The following KCNU1 variants were observed in gnomAD, a reference collection of about 807,000 sequenced individuals.
The protein encoded by KCNU1 is potassium calcium-activated channel subfamily U member 1.
A neutral mutation model predicts 126.8 loss-of-function variants in KCNU1; 93 were observed. The observed-to-expected ratio is 0.73, with a 90% confidence interval of 0.62 to 0.87. The LOEUF (loss-of-function observed/expected upper bound fraction) is 0.87. KCNU1 is among the 40% of genes least tolerant of loss of function. The pLI, the probability that KCNU1 is intolerant of heterozygous loss-of-function variation, is 0.00. For missense variants in KCNU1, 1,330 were observed against 1,367.1 expected, an observed-to-expected ratio of 0.97 and a Z score of 0.43; for synonymous variants, 523 against 494.2, an observed-to-expected ratio of 1.06 and a Z score of -0.77.
Position 36,905,822 on chromosome 8 carries a change from A to T in KCNU1, c.2106+18A>T, listed in dbSNP as rs774736215. 7.4e-6 allele frequency: 9 copies of T among 1,213,598 alleles called. No homozygotes were observed. Among genetic ancestry groups the T allele is most frequent in the East Asian group, 7.4e-5 (3 of 40,662 alleles). The allele number at this position is 1,213,598 out of a possible 1,614,324, so 75.2% of individuals were successfully genotyped here. On this transcript the variant is annotated intron_variant, in intron 20 of 26. Coordinates refer to ENST00000399881, the MANE Select transcript of KCNU1 (RefSeq NM_001031836.3). The stretch of plus-strand genomic sequence containing the variant: ...TGACTCTGGTAGGTGATCTTGCATC[A>T]TCAAATCTCAAATAAGATAAAGCAT...
chr8:36,804,601 C>A (rs999831457), intron 3 of KCNU1, among the ~76,000 whole-genome samples: 1 of 152,136 alleles, frequency 6.6e-6, no homozygotes, highest in East Asian at 1.9e-4. Flanking sequence ...AGGGTTAGGG[C>A]AGCTATTTTG....
Position 36,877,555 on chromosome 8 carries a change from G to A in KCNU1, c.2009+13034G>A, listed in dbSNP as rs140769456. 4.8e-3 allele frequency among the ~76,000 whole-genome samples: 723 copies of A among 151,942 alleles called. 8 individuals carry two copies. Among genetic ancestry groups the A allele is most frequent in the African/African-American group, 0.016 (666 of 41,456 alleles). ...TGATCTCAGGTGATCCTCCTGCCTC[G>A]GCCTCCCAAAGTGCTGGGATTACAG... On this transcript the variant is annotated intron_variant, in intron 19 of 26. Coordinates refer to ENST00000399881, the MANE Select transcript of KCNU1 (RefSeq NM_001031836.3).
intron 24 of KCNU1, chr8:36,929,052 T>G (rs1333291856): frequency 1.4e-6 from 1 of 697,342 alleles, no homozygotes. Context: ...AGGTAAGTAT[T>G]GCCATGTCAA....
chr8:36,799,540 ATT>A (rs953689276), intron 2 of KCNU1, among the ~76,000 whole-genome samples: 1 of 141,880 alleles, frequency 7.0e-6, no homozygotes, highest in Non-Finnish European at 1.5e-5. Flanking sequence ...CCTCCCTGCC[ATT>A]TTTTTTTTTG....
At chr8:36,812,247 G>A (rs1271443900) in intron 7 of KCNU1, among the ~76,000 whole-genome samples, 1 of 151,800 alleles carries the variant, frequency 6.6e-6, no homozygotes, top group Non-Finnish European at 1.5e-5. Context: ...AGGTGTGGTG[G>A]CAGGCACCTG....
intron 2 of KCNU1, among the ~76,000 whole-genome samples, chr8:36,803,636 C>T (rs1563264278): frequency 6.6e-6 from 1 of 152,124 alleles, no homozygotes; most frequent in African/African-American, 2.4e-5. Context: ...TCTTTTCTAG[C>T]ATGTGATAAA....
chr8:36,889,466 T>A (rs1198793505), intron 19 of KCNU1, among the ~76,000 whole-genome samples: 2 of 152,016 alleles, frequency 1.3e-5, no homozygotes, highest in African/African-American at 4.8e-5. Context: ...AGGCATCACT[T>A]TTAAGGAAAA....
chr8:36,915,872 G>T (rs1808080489), intron 22 of KCNU1, among the ~76,000 whole-genome samples: 1 of 151,884 alleles, frequency 6.6e-6, no homozygotes, highest in Non-Finnish European at 1.5e-5. Context: ...ATGTAACTGG[G>T]GCGAGGACTG....
intron 7 of KCNU1, among the ~76,000 whole-genome samples, chr8:36,809,017 A>G (rs541751501): frequency 6.6e-6 from 1 of 152,194 alleles, no homozygotes; most frequent in South Asian, 2.1e-4. Flanking sequence ...TTCAAAACCT[A>G]CTCTTAAGGA....
intron 18 of KCNU1, among the ~76,000 whole-genome samples, chr8:36,849,174 T>A (rs1805254720): frequency 6.6e-6 from 1 of 152,072 alleles, no homozygotes; most frequent in Admixed American, 6.5e-5. Flanking sequence ...CACTGTAGAT[T>A]TACCTATACT....
rs946987587 is a variant in KCNU1 at position 36,868,984 on chromosome 8, C to T, written c.2009+4463C>T. Reference sequence around the variant, plus strand: ...TGGCCATTCCACTTTGGGTGAGTTACGACAGTTTTGCCCATTCTACCTATT... The same window carrying T: ...TGGCCATTCCACTTTGGGTGAGTTATGACAGTTTTGCCCATTCTACCTATT... On this transcript the variant is annotated intron_variant, in intron 19 of 26. Transcript: ENST00000399881. Among the ~76,000 whole-genome samples, 8 of 152,008 alleles carry T rather than the reference C, an allele frequency of 5.3e-5. No homozygotes were observed. The East Asian group carries it at 5.8e-4, about 11-fold the overall frequency.
rs1052630219 is a variant in KCNU1, at chr8:36,858,463, T to C, written c.1892-5941T>C. ...GCCCATATAAAAGAACAAGATAATA[T>C]ACTAAAAAGTATAATCTCACTATAC... On this transcript the variant is annotated intron_variant, in intron 18 of 26. Coordinates refer to ENST00000399881, the MANE Select transcript of KCNU1 (RefSeq NM_001031836.3). Among the ~76,000 whole-genome samples, 14 of 152,112 alleles carry C rather than the reference T, an allele frequency of 9.2e-5. 1 individual carries two copies. The highest frequency in any genetic ancestry group is 1.5e-4 in the Non-Finnish European group (10 of 68,020).
chr8:36,859,728 A>T (rs1189755874), intron 18 of KCNU1, among the ~76,000 whole-genome samples: 1 of 152,238 alleles, frequency 6.6e-6, no homozygotes, highest in Non-Finnish European at 1.5e-5. Flanking sequence ...GCTGGTTAAG[A>T]ACATGAATTC....
intron 18 of KCNU1, among the ~76,000 whole-genome samples, chr8:36,849,558 C>G (rs1805270937): frequency 6.6e-6 from 1 of 152,148 alleles, no homozygotes; most frequent in Admixed American, 6.5e-5. Flanking sequence ...CCACTGCGCT[C>G]CAGCCTGGGT....
At chr8:36,843,609 C>G (rs993214835) in intron 16 of KCNU1, among the ~76,000 whole-genome samples, 4 of 152,206 alleles carry the variant, frequency 2.6e-5, no homozygotes, top group Non-Finnish European at 5.9e-5. Context: ...CAGGGCTGTG[C>G]TTCTGTAACC....
chr8:36,810,219 T>G (rs1290840940), intron 7 of KCNU1, among the ~76,000 whole-genome samples: 1 of 150,408 alleles, frequency 6.6e-6, no homozygotes, highest in Non-Finnish European at 1.5e-5. Context: ...ACCACTGCAC[T>G]CCAGCCTGGT....
intron 22 of KCNU1, among the ~76,000 whole-genome samples, chr8:36,914,299 T>A (rs1158586518): frequency 1.3e-5 from 2 of 152,132 alleles, no homozygotes; most frequent in African/African-American, 4.8e-5. Context: ...TGAGGTCACC[T>A]TATGATGGCT....
intron 23 of KCNU1, among the ~76,000 whole-genome samples, chr8:36,921,395 T>C (rs10955006): frequency 4.1e-4 from 63 of 152,030 alleles, no homozygotes; most frequent in Non-Finnish European, 7.6e-4. Context: ...ATGCTGTTCT[T>C]AAGACAAACG....
rs1808684755 is a variant in KCNU1 at position 36,930,993 on chromosome 8, G to A, written c.2779G>A (p.Val927Met). Residue 927 changes from valine to methionine, a missense_variant, in exon 25 of 27, where the codon GTG becomes ATG. Val to Met is a conservative substitution (Grantham distance 21, BLOSUM62 1). Coordinates refer to ENST00000399881, the MANE Select transcript of KCNU1 (RefSeq NM_001031836.3). ...TGTCCTGGAATTGCTTCAGATGCTG[G>A]TGACAGGAGGAGTAAGTTCTCAGCT... is the stretch of plus-strand genomic sequence containing the variant. ...YHVLELLQML[V>M]TGGVSSQLEQ... is the part of the protein sequence containing the mutation. 3 of 1,608,662 alleles carry A rather than the reference G, an allele frequency of 1.9e-6. No homozygotes were observed. Among genetic ancestry groups the A allele is most frequent in the Non-Finnish European group, 2.5e-6 (3 of 1,177,448 alleles).
Sources: gnomAD v4.1 joint callset for allele counts (sites outside exome capture counted in the v4.1 genomes callset) on GRCh38, gnomAD v4.1.1 for gene constraint, MANE v1.5 for transcripts, NCBI Gene and HGNC (gene_info 2026-07-23, HGNC 2026-07-21) for gene names.